The following DAB2 variants were observed in gnomAD, a reference collection of about 807,000 sequenced individuals.
DAB2 encodes disabled homolog 2.
Under a neutral mutation model 71.6 loss-of-function variants are expected in DAB2, and 28 were observed. That is an observed-to-expected ratio of 0.39 (90% confidence interval 0.29 to 0.54). DAB2 has a LOEUF of 0.54. Among genes scored for constraint, DAB2 ranks in the 20% least tolerant of loss-of-function variants. The probability of loss-of-function intolerance (pLI) is 0.68; values close to 1 mark genes in which losing one functional copy is unlikely to be tolerated. For synonymous variants in DAB2, 345 were observed against 339.7 expected, an observed-to-expected ratio of 1.02 and a Z score of -0.17; for missense variants, 867 against 928.8, an observed-to-expected ratio of 0.93 and a Z score of 0.86.
intron 1 of DAB2, among the ~76,000 whole-genome samples, chr5:39,415,250 G>A (rs1010901212): frequency 4.6e-5 from 7 of 152,166 alleles, no homozygotes; most frequent in African/African-American, 9.6e-5. Flanking sequence ...CTATAACCAC[G>A]TTACAATCTG....
intron 1 of DAB2, among the ~76,000 whole-genome samples, chr5:39,402,660 C>T (rs908923686): frequency 6.6e-6 from 1 of 152,158 alleles, no homozygotes; most frequent in African/African-American, 2.4e-5. Flanking sequence ...TCAGGTGATC[C>T]ATCTGCCTTG....
intron 1 of DAB2, chr5:39,417,561 C>CAT (rs1755877051): frequency 6.6e-6 from 1 of 151,872 alleles, no homozygotes. Context: ...CCATTAACAC[C>CAT]AATGGCCTTT....
At chr5:39,421,969 C>T (rs180762703) in intron 1 of DAB2, among the ~76,000 whole-genome samples, 1 of 151,910 alleles carries the variant, frequency 6.6e-6, no homozygotes, top group African/African-American at 2.4e-5. Flanking sequence ...AATCAGGAGA[C>T]TGAGGTCACA....
rs1429611254 is a variant in DAB2, at chr5:39,371,839, G to C, written c.*1592C>G. On this transcript the variant is annotated 3_prime_UTR_variant, in exon 15 of 15. Transcript: ENST00000320816. ...AGTTACCTCCAGTTTAGCACATTTA[G>C]GTATTTGGACATTTAAAGTACTATT... 6.6e-6 allele frequency: 1 copy of C among 152,162 alleles called. No individual in the cohort carries two copies. The highest frequency in any genetic ancestry group is 1.5e-5 in the Non-Finnish European group (1 of 68,034). 9.4% of individuals were successfully genotyped at this position (152,162 alleles called of 1,614,324 possible).
At chr5:39,418,256 G>T (rs1048638633) in intron 1 of DAB2, 3 of 152,044 alleles carry the variant, frequency 2.0e-5, no homozygotes, top group South Asian at 4.1e-4. Flanking sequence ...TTCACATTTC[G>T]TCCCAAAGCC....
At chr5:39,400,847 T>A (rs1338756105) in intron 1 of DAB2, among the ~76,000 whole-genome samples, 1 of 152,168 alleles carries the variant, frequency 6.6e-6, no homozygotes, top group East Asian at 1.9e-4. Flanking sequence ...TCCAGTACTT[T>A]GTACTGGACA....
At position 39,395,937 on chromosome 5, in the gene DAB2, CTTTTTTTTTTTT is replaced by C. The variant is rs3024228; in HGVS notation, c.-101-1528_-101-1517del. ...GAGGGAAGGCTAAGACACAGATATT[CTTTTTTTTTTTT>C]TTTTTTTTTTTGAGACGGAGTCTTG... is the stretch of plus-strand genomic sequence containing the variant. On this transcript the variant is annotated intron_variant, in intron 1 of 14. Transcript: ENST00000320816. 1.6e-4 allele frequency among the ~76,000 whole-genome samples: 12 copies of C among 74,860 alleles called. No homozygotes were observed. In the Admixed American group the frequency reaches 2.4e-3, roughly 15 times the overall value. 49.1% of individuals were successfully genotyped at this position (74,860 alleles called of 152,430 possible).
intron 4 of DAB2, 189 bp downstream of exon 4, chr5:39,392,176 A>T: frequency 5.1e-6 from 3 of 586,278 alleles, no homozygotes; most frequent in Non-Finnish European, 6.1e-6. Context: ...TAGAACACAA[A>T]TTCAAAATCA....
chr5:39,381,590 T>C lies in DAB2; in HGVS notation c.1368A>G (p.Ser456=), dbSNP rs908593406. ...AKSSANDLLA[S]DIFAPPVSEP... is the part of the protein sequence containing the mutation. The stretch of plus-strand genomic sequence containing the variant: ...CTGAGACGGGAGGAGCAAAGATGTC[T>C]GATGCAAGCAAGTCATTGGCTGAAG... The change falls in exon 11 of 15, where the codon TCA becomes TCG. Residue 456 remains serine, a synonymous_variant. Coordinates refer to ENST00000320816, the MANE Select transcript of DAB2 (RefSeq NM_001343.4). 10 of 1,613,964 alleles carry C rather than the reference T, an allele frequency of 6.2e-6. No homozygotes were observed. Among genetic ancestry groups the C allele is most frequent in the Non-Finnish European group, 8.5e-6 (10 of 1,179,940 alleles).
intron 1 of DAB2, among the ~76,000 whole-genome samples, chr5:39,400,106 G>A (rs921197398): frequency 6.6e-6 from 1 of 152,186 alleles, no homozygotes; most frequent in Non-Finnish European, 1.5e-5. Context: ...TAAGGACTTA[G>A]TGGTAGCCCC....
chr5:39,406,932 T>G (rs900895677), intron 1 of DAB2, among the ~76,000 whole-genome samples: 2 of 152,164 alleles, frequency 1.3e-5, no homozygotes, highest in African/African-American at 4.8e-5. Flanking sequence ...AGAGAAGCAC[T>G]CTGGAACTGA....
In DAB2 at chr5:39,375,024, C is replaced by G; in HGVS notation, c.2308G>C (p.Ala770Pro). The G allele has an allele frequency of 1.2e-6, 2 of 1,609,118 alleles. No homozygotes were observed. The highest frequency in any genetic ancestry group is 1.7e-6 in the Non-Finnish European group (2 of 1,176,546). Residue 770 changes from alanine (A) to proline (P), a missense_variant, in exon 14 of 15, where the codon GCC becomes CCC. Physicochemically the swap from Ala to Pro is conservative, Grantham distance 27. Coordinates refer to ENST00000320816, the MANE Select transcript of DAB2 (RefSeq NM_001343.4). ...GGATCTTCTACTTACAGAATTTAGG[C>G]AAAAGGATTTCCAAATGGATCCCTA... The part of the protein sequence containing the change: ...MYRDPFGNPF[A>P]
At chr5:39,394,941 G>A (rs1368822669) in intron 1 of DAB2, among the ~76,000 whole-genome samples, 1 of 152,156 alleles carries the variant, frequency 6.6e-6, no homozygotes, top group Non-Finnish European at 1.5e-5. Flanking sequence ...TTCTGCATAT[G>A]ATCCCCAGGG....
Position 39,396,236 on chromosome 5 carries a change from A to AGGTTC in DAB2, c.-101-1816_-101-1815insGAACC, listed in dbSNP as rs2112069244. On this transcript the variant is annotated intron_variant, in intron 1 of 14. Transcript: ENST00000320816. The stretch of plus-strand genomic sequence containing the variant: ...TGAAGGCAAAGATATTTAAAACGAC[A>AGGTTC]TACCTGCTAAGTGGTAGAACCAGGT... Among the ~76,000 whole-genome samples, 3 of 152,272 alleles carry AGGTTC rather than the reference A, an allele frequency of 2.0e-5. No homozygotes were observed. The East Asian group carries it at 5.8e-4, about 29-fold the overall frequency.
chr5:39,405,803 A>T (rs1040647136), intron 1 of DAB2, among the ~76,000 whole-genome samples: 3 of 152,146 alleles, frequency 2.0e-5, no homozygotes, highest in African/African-American at 7.2e-5. Flanking sequence ...TTGGCAAGGT[A>T]ATGACTACAA....
rs76174269 is a variant in DAB2 at position 39,415,008 on chromosome 5, G to A, written c.-102+9796C>T. ...AGGTCACAGTTATAACTGATGCTAT[G>A]TGTTTTGGAGGAATTGTTTCTGATT... On this transcript the variant is annotated intron_variant, in intron 1 of 14. Coordinates refer to ENST00000320816, the MANE Select transcript of DAB2 (RefSeq NM_001343.4). Among the ~76,000 whole-genome samples the A allele has an allele frequency of 4.7e-3, 713 of 152,186 alleles. 5 individuals carry two copies. The highest frequency in any genetic ancestry group is 0.011 in the Admixed American group (171 of 15,278).
At chr5:39,382,008 A>G (rs1471959613) in intron 10 of DAB2, among the ~76,000 whole-genome samples, 1 of 152,246 alleles carries the variant, frequency 6.6e-6, no homozygotes, top group Non-Finnish European at 1.5e-5. Flanking sequence ...CAGTCTACAT[A>G]GAGATCATAG....
chr5:39,387,631 T>G (rs1184068963), intron 9 of DAB2: 1 of 152,164 alleles, frequency 6.6e-6, no homozygotes, highest in African/African-American at 2.4e-5. Context: ...GAGGTATGTT[T>G]TGGAAGGTCT....
chr5:39,390,443 C>T lies in DAB2; in HGVS notation c.462+1G>A. 1 of 1,613,970 alleles carries T rather than the reference C, an allele frequency of 6.2e-7. No homozygotes were observed. The highest frequency in any genetic ancestry group is 8.5e-7 in the Non-Finnish European group (1 of 1,179,904). Reference sequence around the variant, plus strand: ...GGTCTATGTCAAGACTTAGAGCTCACCTGTTGCCCGGTTTTTATGGCAAAA... The same window carrying T: ...GGTCTATGTCAAGACTTAGAGCTCATCTGTTGCCCGGTTTTTATGGCAAAA... On this transcript the variant is annotated splice_donor_variant, in intron 5 of 14. Coordinates refer to ENST00000320816, the MANE Select transcript of DAB2 (RefSeq NM_001343.4). LOFTEE classifies it high-confidence loss of function.
Sources: gnomAD v4.1 joint callset for allele counts (sites outside exome capture counted in the v4.1 genomes callset) on GRCh38, gnomAD v4.1.1 for gene constraint, MANE v1.5 for transcripts, NCBI Gene and HGNC (gene_info 2026-07-23, HGNC 2026-07-21) for gene names.